TUBD1: variants seen among roughly 807,000 people sequenced by gnomAD.
TUBD1 encodes the protein tubulin delta chain.
TUBD1 carries 38 observed loss-of-function variants against 51.2 expected under a neutral mutation model. That is an observed-to-expected ratio of 0.74 (90% confidence interval 0.57 to 0.97). The LOEUF (loss-of-function observed/expected upper bound fraction) is 0.97. TUBD1 is among the 50% of genes least tolerant of loss of function. The pLI, the probability that TUBD1 is intolerant of heterozygous loss-of-function variation, is 0.00. For missense variants in TUBD1, 489 were observed against 538.4 expected (o/e 0.91, Z 0.91); for synonymous variants, 169 against 178.2 (o/e 0.95, Z 0.41).
intron 2 of TUBD1, among the ~76,000 whole-genome samples, chr17:59,889,767 C>T (rs1160025125): frequency 6.6e-6 from 1 of 151,480 alleles, no homozygotes; most frequent in Non-Finnish European, 1.5e-5. Context: ...ATCAGGCATT[C>T]GAGACCAGCC....
At chr17:59,888,175 T>A (rs2040821251) in intron 2 of TUBD1, among the ~76,000 whole-genome samples, 1 of 152,116 alleles carries the variant, frequency 6.6e-6, no homozygotes, top group Non-Finnish European at 1.5e-5. Context: ...GACCTCATGA[T>A]TCGCCCGCCT....
intron 8 of TUBD1, among the ~76,000 whole-genome samples, chr17:59,862,899 T>C (rs964316044): frequency 1.3e-5 from 2 of 151,796 alleles, no homozygotes; most frequent in African/African-American, 2.4e-5. Context: ...TAATTTTTTG[T>C]ATTTTTAGTA....
intron 1 of TUBD1, among the ~76,000 whole-genome samples, chr17:59,891,599 C>T (rs965915597): frequency 1.3e-5 from 2 of 151,916 alleles, no homozygotes; most frequent in Admixed American, 1.3e-4. Context: ...CAATAGTTTC[C>T]AAAATCTGAT....
intron 3 of TUBD1, among the ~76,000 whole-genome samples, chr17:59,883,671 G>A (rs2040588579): frequency 6.6e-6 from 1 of 152,046 alleles, no homozygotes; most frequent in Admixed American, 6.6e-5. Context: ...CAAAGTGTTG[G>A]GATTACAGGC....
chr17:59,866,813 TCA>T (rs1257559669), intron 6 of TUBD1, 64 bp from the exon 7 acceptor site: 1 of 1,408,458 alleles, frequency 7.1e-7, no homozygotes, highest in Non-Finnish European at 9.6e-7. Context: ...AGATGGAGTC[TCA>T]CTCTGTTGCC....
chr17:59,884,993 G>A, intron 3 of TUBD1: 1 of 268,172 alleles, frequency 3.7e-6, no homozygotes, highest in Non-Finnish European at 7.4e-6. Context: ...AATCTCAGCA[G>A]AAGGGAAATG....
chr17:59,890,136 G>A (rs938677647), intron 2 of TUBD1, among the ~76,000 whole-genome samples: 1 of 152,056 alleles, frequency 6.6e-6, no homozygotes, highest in Non-Finnish European at 1.5e-5. Context: ...AAAAAGAAAA[G>A]AAAAACAGTA....
intron 5 of TUBD1, among the ~76,000 whole-genome samples, chr17:59,876,956 G>A (rs1207007680): frequency 6.6e-6 from 1 of 151,742 alleles, no homozygotes; most frequent in East Asian, 1.9e-4. Context: ...CTGCCTTATG[G>A]GTTCAAGCAA....
At chr17:59,861,248 G>C (rs1379116445) in intron 8 of TUBD1, among the ~76,000 whole-genome samples, 1 of 151,338 alleles carries the variant, frequency 6.6e-6, no homozygotes, top group Non-Finnish European at 1.5e-5. Flanking sequence ...ACCCAGGATG[G>C]AGTGCAGTGG....
chr17:59,863,846 C>A lies in TUBD1; in HGVS notation c.1077G>T (p.Glu359Asp). 1 of 1,507,000 alleles carries A rather than the reference C, an allele frequency of 6.6e-7. No individual in the cohort carries two copies. The highest frequency in any genetic ancestry group is 1.3e-5 in the South Asian group (1 of 75,136). 93.4% of individuals were successfully genotyped at this position (1,507,000 alleles called of 1,614,324 possible). The change falls in exon 8 of 9, where the codon GAG becomes GAT. Residue 359 changes from glutamate (E) to aspartate (D), a missense_variant and splice_region_variant. By Grantham distance (45) the Glu-to-Asp change is conservative. Transcript: ENST00000325752. The part of the protein sequence containing the change: ...RGKDVQSADV[E>D]GFKDPALYTS... ...TATACAGAGCTGGATCTTTAAATCC[C>A]TCTAGAGTAAAAACAAGATAAGCCG...
chr17:59,866,661 G>C lies in TUBD1; in HGVS notation c.1023C>G (p.Ser341=). The C allele has an allele frequency of 3.1e-6, 5 of 1,614,096 alleles. No homozygotes were observed. The highest frequency in any genetic ancestry group is 4.2e-6 in the Non-Finnish European group (5 of 1,179,980). ...SLNKDLHFNT[S]IANLVILRGK... is the part of the protein sequence containing the mutation. ...CACGAAGAATGACCAAGTTAGCAAT[G>C]GAAGTGTTAAAATGCAGGTCCTTGT... Residue 341 remains serine, a synonymous_variant, in exon 7 of 9, where the codon TCC becomes TCG. Coordinates refer to ENST00000325752, the MANE Select transcript of TUBD1 (RefSeq NM_016261.4).
intron 7 of TUBD1, among the ~76,000 whole-genome samples, chr17:59,864,347 T>C (rs1189060280): frequency 6.6e-6 from 1 of 150,532 alleles, no homozygotes; most frequent in Non-Finnish European, 1.5e-5. Flanking sequence ...GGTTTCACCA[T>C]GTTGGCCAGG....
rs530315478 is a variant in TUBD1 at position 59,870,372 on chromosome 17, CAAAAAAAAAAAAAAAAAAA to C, written c.935-3642_935-3624del. 5.4e-3 allele frequency among the ~76,000 whole-genome samples: 420 copies of C among 77,994 alleles called. 5 individuals are homozygous for C. Among genetic ancestry groups the C allele is most frequent in the South Asian group, 0.048 (78 of 1,642 alleles). 51.2% of individuals were successfully genotyped at this position (77,994 alleles called of 152,430 possible). ...GGCGACAGAGTGTGACTCCATCTCA[CAAAAAAAAAAAAAAAAAAA>C]AAAAAAAAAAAAAAAATCAAAGTGT... On this transcript the variant is annotated intron_variant, in intron 6 of 8. Coordinates refer to ENST00000325752, the MANE Select transcript of TUBD1 (RefSeq NM_016261.4).
chr17:59,882,394 C>T (rs1362183424), intron 3 of TUBD1, among the ~76,000 whole-genome samples: 1 of 152,038 alleles, frequency 6.6e-6, no homozygotes, highest in Non-Finnish European at 1.5e-5. Flanking sequence ...TCAAGTGATT[C>T]TCCCACCTCA....
At chr17:59,879,242 T>C (rs1435006402) in intron 4 of TUBD1, among the ~76,000 whole-genome samples, 1 of 132,374 alleles carries the variant, frequency 7.6e-6, no homozygotes, top group African/African-American at 2.8e-5. Flanking sequence ...CACTCCAGCC[T>C]GGACAACAAG....
At chr17:59,889,768 G>A (rs1402543309) in intron 2 of TUBD1, among the ~76,000 whole-genome samples, 3 of 151,486 alleles carry the variant, frequency 2.0e-5, no homozygotes, top group Non-Finnish European at 4.4e-5. Flanking sequence ...TCAGGCATTC[G>A]AGACCAGCCT....
chr17:59,881,781 T>C (rs1458975256), intron 3 of TUBD1, among the ~76,000 whole-genome samples: 1 of 152,036 alleles, frequency 6.6e-6, no homozygotes, highest in Non-Finnish European at 1.5e-5. Context: ...GAGATTCTCC[T>C]GTCTCAGCCT....
At chr17:59,886,778 T>C (rs1348436909) in intron 2 of TUBD1, among the ~76,000 whole-genome samples, 1 of 151,448 alleles carries the variant, frequency 6.6e-6, no homozygotes, top group African/African-American at 2.4e-5. Flanking sequence ...AGGCTGGGCG[T>C]GGTGGCTCAT....
intron 3 of TUBD1, chr17:59,885,566 TG>T (rs2040685790): frequency 8.3e-6 from 11 of 1,331,876 alleles, no homozygotes; most frequent in Non-Finnish European, 1.2e-5. Context: ...GGAGGCTTCG[TG>T]GGCTTTTGTG....
Sources: gnomAD v4.1 joint callset for allele counts (sites outside exome capture counted in the v4.1 genomes callset) on GRCh38, gnomAD v4.1.1 for gene constraint, MANE v1.5 for transcripts, NCBI Gene and HGNC (gene_info 2026-07-23, HGNC 2026-07-21) for gene names.